The following DNM3 variants were observed in gnomAD, a reference collection of about 807,000 sequenced individuals.
The protein encoded by DNM3 is dynamin-3.
In DNM3, 47 loss-of-function variants were observed where a neutral mutation model predicts 101.6. The observed-to-expected ratio is 0.46, with a 90% CI of 0.37 to 0.59. The LOEUF (loss-of-function observed/expected upper bound fraction) is 0.59. Among genes scored for constraint, DNM3 ranks in the 20% least tolerant of loss-of-function variants. DNM3 has a pLI of 0.00. For synonymous variants in DNM3, 385 were observed against 387.9 expected, an observed-to-expected ratio of 0.99 and a Z score of 0.09; for missense variants, 849 against 1,085.7, an observed-to-expected ratio of 0.78 and a Z score of 3.06.
rs371152657 is a variant in DNM3 at position 172,379,068 on chromosome 1, A to G, written c.1944A>G (p.Gln648=). The G allele has an allele frequency of 6.2e-6, 10 of 1,612,362 alleles. No homozygotes were observed. In the African/African-American group the frequency reaches 1.2e-4, roughly 19 times the overall value. Residue 648 remains glutamine (Q), a synonymous_variant, in exon 18 of 21, where the codon CAA becomes CAG. Transcript: ENST00000627582. ...GQAENFSMDP[Q]LERQVETIRN... is the part of the protein sequence containing the mutation. Reference sequence around the variant, plus strand: ...CAGAAAACTTTTCCATGGACCCACAATTGGAGAGGCAAGTGGAGACCATTC... The same window carrying G: ...CAGAAAACTTTTCCATGGACCCACAGTTGGAGAGGCAAGTGGAGACCATTC...
chr1:172,236,580 G>C (rs1194780592), intron 14 of DNM3, among the ~76,000 whole-genome samples: 1 of 151,982 alleles, frequency 6.6e-6, no homozygotes, highest in Non-Finnish European at 1.5e-5. Context: ...CTTAGAGCAA[G>C]TGAGGAAAGG....
chr1:172,344,027 T>G (rs917756873), intron 17 of DNM3, among the ~76,000 whole-genome samples: 7 of 152,214 alleles, frequency 4.6e-5, no homozygotes, highest in African/African-American at 1.7e-4. Context: ...TCTGTTCACT[T>G]CAGGGCTGCT....
intron 16 of DNM3, among the ~76,000 whole-genome samples, chr1:172,315,182 T>C (rs1463290789): frequency 1.3e-5 from 2 of 152,214 alleles, no homozygotes; most frequent in African/African-American, 4.8e-5. Flanking sequence ...CTGAGGGTCC[T>C]GTCTGTTAAA....
At chr1:172,233,016 G>A (rs549208004) in intron 14 of DNM3, among the ~76,000 whole-genome samples, 9 of 152,232 alleles carry the variant, frequency 5.9e-5, no homozygotes, top group East Asian at 5.8e-4. Context: ...AAAGCTAGCA[G>A]AAGGCAAGAA....
intron 1 of DNM3, among the ~76,000 whole-genome samples, chr1:171,912,311 A>G (rs2039374581): frequency 6.6e-6 from 1 of 152,172 alleles, no homozygotes; most frequent in Admixed American, 6.5e-5. Flanking sequence ...TAGTATATCT[A>G]TGATATTAAA....
chr1:172,274,182 C>A (rs1022358402), intron 15 of DNM3, among the ~76,000 whole-genome samples: 4 of 152,028 alleles, frequency 2.6e-5, no homozygotes, highest in African/African-American at 9.7e-5. Context: ...TCCTACTCAA[C>A]CCCAATATAA....
chr1:172,010,704 G>A (rs950166124), intron 4 of DNM3, among the ~76,000 whole-genome samples: 5 of 141,010 alleles, frequency 3.5e-5, no homozygotes, highest in African/African-American at 5.3e-5. Context: ...GTGTGTGTGT[G>A]TGTGTGTGTG....
chr1:171,902,417 T>C (rs2038440979), intron 1 of DNM3, among the ~76,000 whole-genome samples: 1 of 152,216 alleles, frequency 6.6e-6, no homozygotes, highest in Non-Finnish European at 1.5e-5. Flanking sequence ...GGATAAGCCT[T>C]GAAACCTCCT....
At chr1:172,200,983 C>T (rs1053796385) in intron 14 of DNM3, among the ~76,000 whole-genome samples, 2 of 152,112 alleles carry the variant, frequency 1.3e-5, no homozygotes, top group Non-Finnish European at 2.9e-5. Context: ...GGTTCTTTCC[C>T]ATCTCTGTGT....
At chr1:172,233,040 G>T (rs1044633469) in intron 14 of DNM3, among the ~76,000 whole-genome samples, 2 of 152,158 alleles carry the variant, frequency 1.3e-5, no homozygotes, top group Non-Finnish European at 2.9e-5. Flanking sequence ...ACTAAGATCA[G>T]AGCAGAACTG....
In DNM3 at chr1:172,289,160, A is replaced by G. The variant is rs562172313; in HGVS notation, c.1770-19568A>G. Among the ~76,000 whole-genome samples, 206 of 152,258 alleles carry G rather than the reference A, an allele frequency of 1.4e-3. 1 individual carries two copies. Among genetic ancestry groups the G allele is most frequent in the African/African-American group, 4.8e-3 (198 of 41,562 alleles). On this transcript the variant is annotated intron_variant, in intron 15 of 20. Transcript: ENST00000627582. ...CCTGTATAGCCTATTCATTTCTTGG[A>G]GATTTAAAATATGTATTAGACTATT...
chr1:172,230,131 T>C (rs1232004983), intron 14 of DNM3, among the ~76,000 whole-genome samples: 1 of 151,958 alleles, frequency 6.6e-6, no homozygotes, highest in Non-Finnish European at 1.5e-5. Flanking sequence ...TTTGTTTGTT[T>C]GGCCTATATT....
chr1:172,006,619 C>A (rs1277649583), intron 4 of DNM3, among the ~76,000 whole-genome samples: 1 of 151,920 alleles, frequency 6.6e-6, no homozygotes, highest in Non-Finnish European at 1.5e-5. Context: ...TGGCCAATAC[C>A]CTCCACCCCC....
At chr1:172,286,580 A>G (rs2063713090) in intron 15 of DNM3, among the ~76,000 whole-genome samples, 7 of 152,162 alleles carry the variant, frequency 4.6e-5, no homozygotes, top group Admixed American at 3.9e-4. Flanking sequence ...ATAAATTCAC[A>G]TGGCACCCAG....
chr1:172,091,418 G>A lies in DNM3; in HGVS notation c.1494-1406G>A, dbSNP rs535801596. Among the ~76,000 whole-genome samples, 9 of 152,326 alleles carry A rather than the reference G, an allele frequency of 5.9e-5. No individual in the cohort carries two copies. The South Asian group carries it at 1.7e-3, about 28-fold the overall frequency. ...AGTCTTGGAGGAAGGGAGGGATGCG[G>A]TTATAAATAGGGTGGTCAGAGTAGT... On this transcript the variant is annotated intron_variant, in intron 12 of 20. Transcript: ENST00000627582.
chr1:172,165,600 G>A (rs1424108606), intron 14 of DNM3, among the ~76,000 whole-genome samples: 1 of 151,960 alleles, frequency 6.6e-6, no homozygotes, highest in Non-Finnish European at 1.5e-5. Flanking sequence ...CTCCAGCAGG[G>A]ATTTCCCCTT....
chr1:171,905,861 G>T (rs1293999454), intron 1 of DNM3, among the ~76,000 whole-genome samples: 1 of 150,478 alleles, frequency 6.6e-6, no homozygotes, highest in Admixed American at 6.6e-5. Context: ...TAAAAGTATT[G>T]TCTCAAGACA....
intron 14 of DNM3, among the ~76,000 whole-genome samples, chr1:172,183,296 A>T (rs2059410466): frequency 1.3e-5 from 2 of 152,166 alleles, no homozygotes; most frequent in Admixed American, 1.3e-4. Context: ...GGAAAGTTCA[A>T]TATATTGGTT....
chr1:171,889,070 G>A (rs1215539052), intron 1 of DNM3, among the ~76,000 whole-genome samples: 1 of 152,104 alleles, frequency 6.6e-6, no homozygotes, highest in African/African-American at 2.4e-5. Context: ...GCCTCAACCT[G>A]CCTGGCTCAA....
Sources: allele counts gnomAD v4.1 joint callset (sites outside exome capture counted in the v4.1 genomes callset), GRCh38; gene constraint gnomAD v4.1.1; transcripts MANE v1.5; gene names NCBI Gene and HGNC (gene_info 2026-07-23, HGNC 2026-07-21).